The following LYG1 variants were observed in gnomAD, a reference collection of about 807,000 sequenced individuals.
The protein encoded by LYG1 is lysozyme g-like protein 1.
Under a neutral mutation model 21.7 loss-of-function variants are expected in LYG1, and 17 were observed. The observed-to-expected ratio is 0.78, with a 90% CI of 0.54 to 1.18. The LOEUF is 1.18. Among genes scored for constraint, LYG1 ranks in the 50% most tolerant of loss-of-function variants. The probability of loss-of-function intolerance (pLI) is 0.00; values close to 1 mark genes in which losing one functional copy is unlikely to be tolerated. For missense variants in LYG1, 211 were observed against 238.1 expected (o/e 0.89, Z 0.75); for synonymous variants, 81 against 87.4 (o/e 0.93, Z 0.41).
intron 5 of LYG1, among the ~76,000 whole-genome samples, chr2:99,288,239 A>AT (rs2094107399): frequency 6.6e-6 from 1 of 152,026 alleles, no homozygotes; most frequent in Non-Finnish European, 1.5e-5. Flanking sequence ...CATACCAAAT[A>AT]TTTTTTCTTC....
At chr2:99,285,731 T>C (rs2094097640) in intron 5 of LYG1, among the ~76,000 whole-genome samples, 1 of 152,246 alleles carries the variant, frequency 6.6e-6, no homozygotes, top group Non-Finnish European at 1.5e-5. Context: ...GAGTGTAGTT[T>C]TGCTTTGCAA....
Position 99,284,332 on chromosome 2 carries a change from T to C in LYG1, c.*61A>G. 1 of 1,475,466 alleles carries C rather than the reference T, an allele frequency of 6.8e-7. No homozygotes were observed. The highest frequency in any genetic ancestry group is 9.4e-7 in the Non-Finnish European group (1 of 1,063,946). 91.4% of individuals were successfully genotyped at this position (1,475,466 alleles called of 1,614,324 possible). A position where few individuals can be genotyped will look rare whatever the true frequency, so the allele number is the denominator to read the frequency against. On this transcript the variant is annotated 3_prime_UTR_variant, in exon 7 of 7. Coordinates refer to ENST00000308528, the MANE Select transcript of LYG1 (RefSeq NM_174898.3). ...CCAGTTACAGGTGCCCTTGGCTAGTTTTATCTGTGTAACATTTGAGGCTGC... is the reference window on the plus strand; with the variant it reads ...CCAGTTACAGGTGCCCTTGGCTAGTCTTATCTGTGTAACATTTGAGGCTGC...
At chr2:99,293,207 G>T (rs1282241195) in intron 3 of LYG1, among the ~76,000 whole-genome samples, 1 of 152,006 alleles carries the variant, frequency 6.6e-6, no homozygotes, top group Non-Finnish European at 1.5e-5. Flanking sequence ...GGCCAGGCTG[G>T]TCTCGAACTC....
chr2:99,288,935 CCCACCACTGCTT>C (rs2094110408), intron 5 of LYG1, among the ~76,000 whole-genome samples: 1 of 152,084 alleles, frequency 6.6e-6, no homozygotes, highest in Non-Finnish European at 1.5e-5. Flanking sequence ...CCTTTGTCTC[CCCACCACTGCTT>C]CCAGCACCCA....
intron 5 of LYG1, 30 bp downstream of exon 5, chr2:99,291,207 G>T: frequency 1.9e-6 from 3 of 1,603,942 alleles, no homozygotes; most frequent in Non-Finnish European, 2.6e-6. Context: ...ATAGCAGAAT[G>T]GCCACATGTG....
intron 2 of LYG1, among the ~76,000 whole-genome samples, chr2:99,298,058 A>G: frequency 6.6e-6 from 1 of 152,218 alleles, no homozygotes; most frequent in Non-Finnish European, 1.5e-5. Flanking sequence ...GTCCATAAAT[A>G]CAGCATATTG....
At chr2:99,285,416 AAGAAC>A (rs1294735954) in intron 5 of LYG1, among the ~76,000 whole-genome samples, 1 of 152,132 alleles carries the variant, frequency 6.6e-6, no homozygotes, top group Non-Finnish European at 1.5e-5. Flanking sequence ...TAAGGAGACA[AAGAAC>A]AGAAGGGAAA....
chr2:99,298,327 A>C (rs1410937608), intron 2 of LYG1, 132 bp downstream of exon 2: 2 of 152,402 alleles, frequency 1.3e-5, no homozygotes, highest in African/African-American at 4.8e-5. Context: ...AAATAGTAAC[A>C]AACAGCAAGG....
intron 5 of LYG1, among the ~76,000 whole-genome samples, chr2:99,289,840 T>TTTGTTGTTGTTG (rs55751852): frequency 8.0e-5 from 12 of 150,638 alleles, no homozygotes; most frequent in Non-Finnish European, 1.6e-4. Context: ...AATTCTCTTG[T>TTTGTTGTTGTTG]TTGTTGTTGT....
At chr2:99,295,941 T>C (rs569650446) in intron 2 of LYG1, among the ~76,000 whole-genome samples, 1 of 152,210 alleles carries the variant, frequency 6.6e-6, no homozygotes, top group East Asian at 1.9e-4. Flanking sequence ...GAACTCAACA[T>C]ACAGTCAAGT....
intron 4 of LYG1, among the ~76,000 whole-genome samples, chr2:99,291,722 T>G (rs1187206559): frequency 6.6e-6 from 1 of 152,126 alleles, no homozygotes; most frequent in African/African-American, 2.4e-5. Context: ...TAGGAACCAT[T>G]GGTCCCATTC....
chr2:99,291,652 G>A (rs968903517), intron 4 of LYG1, among the ~76,000 whole-genome samples: 1 of 152,154 alleles, frequency 6.6e-6, no homozygotes, highest in Non-Finnish European at 1.5e-5. Flanking sequence ...GTGGCTGTCA[G>A]TGCCCTTCGA....
chr2:99,284,316 G>A lies in LYG1; in HGVS notation c.*77C>T. The A allele has an allele frequency of 1.6e-6, 2 of 1,251,564 alleles. No individual in the cohort carries two copies. Among genetic ancestry groups the A allele is most frequent in the Non-Finnish European group, 2.3e-6 (2 of 872,650 alleles). 77.5% of individuals were successfully genotyped at this position (1,251,564 alleles called of 1,614,324 possible). A position where few individuals can be genotyped will look rare whatever the true frequency, so the allele number is the denominator to read the frequency against. On this transcript the variant is annotated 3_prime_UTR_variant, in exon 7 of 7. Coordinates refer to ENST00000308528, the MANE Select transcript of LYG1 (RefSeq NM_174898.3). ...GGTCAAACTCAGATTCCCAGTTACAGGTGCCCTTGGCTAGTTTTATCTGTG... is the reference window on the plus strand; with the variant it reads ...GGTCAAACTCAGATTCCCAGTTACAAGTGCCCTTGGCTAGTTTTATCTGTG...
upstream of LYG1, among the ~76,000 whole-genome samples, chr2:99,304,079 T>C (rs568933003): frequency 2.2e-4 from 33 of 151,982 alleles, no homozygotes; most frequent in South Asian, 6.7e-3. Context: ...GAAGGCAAGA[T>C]TGGTTTTGAA....
chr2:99,295,498 A>C (rs2094133697), intron 3 of LYG1, 130 bp downstream of exon 3: 7 of 1,142,586 alleles, frequency 6.1e-6, no homozygotes, highest in Non-Finnish European at 9.2e-6. Context: ...TCCTAACTCC[A>C]GGATTTGTTG....
At chr2:99,298,840 T>A (rs1452260468) in intron 1 of LYG1, among the ~76,000 whole-genome samples, 1 of 152,226 alleles carries the variant, frequency 6.6e-6, no homozygotes, top group African/African-American at 2.4e-5. Context: ...ATTGCTAACA[T>A]GTCTCTGTGT....
At chr2:99,286,710 A>G (rs1029410623) in intron 5 of LYG1, among the ~76,000 whole-genome samples, 2 of 152,210 alleles carry the variant, frequency 1.3e-5, no homozygotes, top group Non-Finnish European at 2.9e-5. Flanking sequence ...CTCAAAAAAT[A>G]AAACAAATTA....
In LYG1 at chr2:99,291,370, T is replaced by C; in HGVS notation, c.200A>G (p.Lys67Arg). Residue 67 changes from lysine (K) to arginine (R), a missense_variant, in exon 5 of 7, where the codon AAA becomes AGA. Coordinates refer to ENST00000308528, the MANE Select transcript of LYG1 (RefSeq NM_174898.3). ...LAEIDMPYLL[K>R]YQPMMQTIGQ... ...AATGGTTTGCATCATGGGTTGATAT[T>C]TCAGGAGGTATGGCATGTCTATTTC... is the stretch of plus-strand genomic sequence containing the variant. 6.2e-7 allele frequency: 1 copy of C among 1,614,162 alleles called. No homozygotes were observed. The highest frequency in any genetic ancestry group is 8.5e-7 in the Non-Finnish European group (1 of 1,180,016).
intron 5 of LYG1, among the ~76,000 whole-genome samples, chr2:99,290,400 T>C (rs1040144205): frequency 6.6e-6 from 1 of 152,206 alleles, no homozygotes; most frequent in Non-Finnish European, 1.5e-5. Context: ...CCTCATCTTA[T>C]CAGATTATTG....
Sources: allele counts gnomAD v4.1 joint callset (sites outside exome capture counted in the v4.1 genomes callset), GRCh38; gene constraint gnomAD v4.1.1; transcripts MANE v1.5; gene names NCBI Gene and HGNC (gene_info 2026-07-23, HGNC 2026-07-21).